Variants in GADL1 observed in about 807,000 individuals in gnomAD.
The protein encoded by GADL1 is acidic amino acid decarboxylase GADL1.
A neutral mutation model predicts 69.5 loss-of-function variants in GADL1; 71 were observed. The observed-to-expected ratio is 1.02, with a 90% confidence interval of 0.84 to 1.25. The LOEUF (loss-of-function observed/expected upper bound fraction) is 1.25, where lower values mean the gene tolerates loss of function less well. GADL1 is among the 50% of genes most tolerant of loss of function. The pLI is 0.00. For synonymous variants in GADL1, 254 were observed against 214.4 expected (o/e 1.18, Z -1.62); for missense variants, 737 against 631.8 (o/e 1.17, Z -1.79).
chr3:30,859,012 T>G (rs1698274865), intron 2 of GADL1, among the ~76,000 whole-genome samples: 1 of 151,966 alleles, frequency 6.6e-6, no homozygotes, highest in African/African-American at 2.4e-5. Flanking sequence ...GAAGCCGAAT[T>G]AGATAGACTT....
At chr3:30,760,232 T>C (rs151208930) in intron 14 of GADL1, among the ~76,000 whole-genome samples, 41 of 152,204 alleles carry the variant, frequency 2.7e-4, no homozygotes, top group African/African-American at 7.0e-4. Context: ...TTCCTCGAGG[T>C]TCATCTCCTT....
intron 11 of GADL1, among the ~76,000 whole-genome samples, chr3:30,826,412 T>A (rs577592062): frequency 6.6e-6 from 1 of 151,980 alleles, no homozygotes; most frequent in African/African-American, 2.4e-5. Flanking sequence ...ATGAGTGAAT[T>A]CTTTACCTGG....
intron 2 of GADL1, among the ~76,000 whole-genome samples, chr3:30,860,970 C>T (rs1394147943): frequency 6.6e-6 from 1 of 151,880 alleles, no homozygotes; most frequent in Non-Finnish European, 1.5e-5. Flanking sequence ...AAGGAGTAGT[C>T]CTTAGAACAT....
intron 1 of GADL1, among the ~76,000 whole-genome samples, chr3:30,876,744 C>T (rs1261307829): frequency 6.6e-6 from 1 of 151,936 alleles, no homozygotes; most frequent in African/African-American, 2.4e-5. Flanking sequence ...CATAGCTCAG[C>T]ATCCTTCAAC....
intron 1 of GADL1, among the ~76,000 whole-genome samples, chr3:30,869,786 G>A (rs1382319706): frequency 2.0e-5 from 3 of 151,758 alleles, no homozygotes; most frequent in Admixed American, 2.0e-4. Flanking sequence ...TTGCTACTAT[G>A]TTCAAGACAT....
At chr3:30,761,735 T>C (rs1226750762) in intron 14 of GADL1, among the ~76,000 whole-genome samples, 1 of 152,086 alleles carries the variant, frequency 6.6e-6, no homozygotes, top group Non-Finnish European at 1.5e-5. Context: ...GTAACATCAT[T>C]AGACCAGTAA....
At chr3:30,822,288 T>TG (rs1205001630) in intron 11 of GADL1, among the ~76,000 whole-genome samples, 1 of 152,010 alleles carries the variant, frequency 6.6e-6, no homozygotes, top group Non-Finnish European at 1.5e-5. Flanking sequence ...GGTGTCTGGA[T>TG]GGGGACTGAG....
chr3:30,853,445 A>T (rs1342733039), intron 4 of GADL1, among the ~76,000 whole-genome samples: 1 of 152,158 alleles, frequency 6.6e-6, no homozygotes, highest in African/African-American at 2.4e-5. Context: ...AATTTCACTG[A>T]TAATTCTTAA....
chr3:30,880,827 G>T (rs1559368284), intron 1 of GADL1, among the ~76,000 whole-genome samples: 1 of 151,840 alleles, frequency 6.6e-6, no homozygotes, highest in African/African-American at 2.4e-5. Flanking sequence ...GTTAAAAATG[G>T]AATTGTACTC....
chr3:30,887,897 T>C (rs1698730838), intron 1 of GADL1, among the ~76,000 whole-genome samples: 1 of 152,192 alleles, frequency 6.6e-6, no homozygotes, highest in African/African-American at 2.4e-5. Flanking sequence ...GTAATGACAG[T>C]CAATGCTTGG....
At chr3:30,875,387 T>C (rs1191901830) in intron 1 of GADL1, among the ~76,000 whole-genome samples, 1 of 151,844 alleles carries the variant, frequency 6.6e-6, no homozygotes, top group Non-Finnish European at 1.5e-5. Flanking sequence ...CATTCCCATA[T>C]GAGGACCTTC....
Position 30,861,654 on chromosome 3 carries a change from TCAA to T in GADL1, c.146_148del (p.Val49del), listed in dbSNP as rs1698323099. 1.9e-6 allele frequency: 3 copies of T among 1,550,502 alleles called. No homozygotes were observed. The highest frequency in any genetic ancestry group is 2.6e-6 in the Non-Finnish European group (3 of 1,146,060). ...TTCCATTATTAGCCTACAGGCCTCT[TCAA>T]CAAATTTTTCTCCAGCTTTTGCATC... is the stretch of plus-strand genomic sequence containing the variant. On this transcript the variant is annotated inframe_deletion, in exon 2 of 15. Transcript: ENST00000282538.
At position 30,752,495 on chromosome 3, in the gene GADL1, T is replaced by G. The variant is rs145463864; in HGVS notation, c.1393-24080A>C. Among the ~76,000 whole-genome samples the G allele has an allele frequency of 5.0e-3, 764 of 152,308 alleles. 7 individuals carry two copies. Among genetic ancestry groups the G allele is most frequent in the African/African-American group, 0.018 (737 of 41,568 alleles). ...GTATCTAGTTACTATAAATTTGGGA[T>G]AGCCCTGGCGATGAGGATGCTGTGG... On this transcript the variant is annotated intron_variant, in intron 14 of 14. Coordinates refer to ENST00000282538, the MANE Select transcript of GADL1 (RefSeq NM_207359.3).
chr3:30,780,728 C>T (rs577853743), intron 13 of GADL1, among the ~76,000 whole-genome samples: 32 of 152,286 alleles, frequency 2.1e-4, no homozygotes, highest in Admixed American at 1.9e-3. Context: ...TGCAAAAGGT[C>T]TATCACTAAG....
chr3:30,740,282 A>G, intron 14 of GADL1, among the ~76,000 whole-genome samples: 1 of 152,186 alleles, frequency 6.6e-6, no homozygotes, highest in Non-Finnish European at 1.5e-5. Flanking sequence ...GTTATTATTC[A>G]AGATCTTTTT....
intron 1 of GADL1, among the ~76,000 whole-genome samples, chr3:30,884,690 T>C (rs1698681368): frequency 6.6e-6 from 1 of 152,072 alleles, no homozygotes; most frequent in Admixed American, 6.6e-5. Flanking sequence ...TCATTATACA[T>C]TGCATTTGTT....
intron 14 of GADL1, among the ~76,000 whole-genome samples, chr3:30,740,248 G>A (rs568641177): frequency 6.6e-6 from 1 of 152,280 alleles, no homozygotes; most frequent in East Asian, 1.9e-4. Flanking sequence ...GACAGAGTTT[G>A]AATTCGACTG....
chr3:30,806,529 T>C (rs970075862), intron 11 of GADL1, among the ~76,000 whole-genome samples: 5 of 152,210 alleles, frequency 3.3e-5, no homozygotes, highest in African/African-American at 1.2e-4. Context: ...CTGAAAGCTG[T>C]GCTAAGCACT....
intron 14 of GADL1, among the ~76,000 whole-genome samples, chr3:30,762,657 A>G (rs1156895534): frequency 1.3e-5 from 2 of 152,196 alleles, no homozygotes; most frequent in African/African-American, 4.8e-5. Flanking sequence ...TTAAAAATGT[A>G]GTTATTGAAT....
Sources: allele counts gnomAD v4.1 joint callset (sites outside exome capture counted in the v4.1 genomes callset), GRCh38; gene constraint gnomAD v4.1.1; transcripts MANE v1.5; gene names NCBI Gene and HGNC (gene_info 2026-07-23, HGNC 2026-07-21).